The following GSK3B variants were observed in gnomAD, a reference collection of about 807,000 sequenced individuals.
The protein encoded by GSK3B is glycogen synthase kinase-3 beta.
Under a neutral mutation model 56.4 loss-of-function variants are expected in GSK3B, and 15 were observed. The ratio of observed to expected loss-of-function variants is 0.27; its 90% CI spans 0.18 to 0.41. GSK3B has a LOEUF of 0.41. Ranked by LOEUF, GSK3B falls within the 10% of genes least tolerant of loss-of-function variation. The pLI is 1.00. For missense variants in GSK3B, 300 were observed against 513.4 expected, an observed-to-expected ratio of 0.58 and a Z score of 4.02; for synonymous variants, 181 against 188.9, an observed-to-expected ratio of 0.96 and a Z score of 0.34.
intron 4 of GSK3B, among the ~76,000 whole-genome samples, chr3:119,919,726 C>G (rs192647655): frequency 1.3e-5 from 2 of 151,634 alleles, no homozygotes; most frequent in Non-Finnish European, 2.9e-5. Context: ...TTCACTATAG[C>G]AAAAACCAAA....
intron 1 of GSK3B, among the ~76,000 whole-genome samples, chr3:120,092,740 T>C (rs1363346793): frequency 6.6e-6 from 1 of 152,222 alleles, no homozygotes; most frequent in Non-Finnish European, 1.5e-5. Flanking sequence ...TGGCTCCCAC[T>C]AGTCCCTTCT....
intron 1 of GSK3B, among the ~76,000 whole-genome samples, chr3:120,024,123 G>A (rs2057903246): frequency 2.0e-5 from 3 of 151,800 alleles, no homozygotes; most frequent in Non-Finnish European, 2.9e-5. Flanking sequence ...TTGAGCCCAG[G>A]AGTTCAAGAC....
At chr3:119,847,301 AAAGAAT>A (rs1559806175) in intron 9 of GSK3B, among the ~76,000 whole-genome samples, 1 of 151,256 alleles carries the variant, frequency 6.6e-6, no homozygotes, top group African/African-American at 2.4e-5. Flanking sequence ...AATCATAAAA[AAAGAAT>A]AAGTTTAAAA....
chr3:120,072,123 A>G (rs745430500), intron 1 of GSK3B, among the ~76,000 whole-genome samples: 26 of 152,216 alleles, frequency 1.7e-4, no homozygotes, highest in Admixed American at 5.2e-4. Context: ...CAATTATACT[A>G]TATCTAAATT....
intron 8 of GSK3B, among the ~76,000 whole-genome samples, chr3:119,865,151 G>T (rs143282654): frequency 6.6e-6 from 1 of 151,800 alleles, no homozygotes; most frequent in African/African-American, 2.4e-5. Context: ...GAAAATTTTC[G>T]TAAAAATATT....
At chr3:119,832,254 C>A (rs1450971695) in intron 10 of GSK3B, among the ~76,000 whole-genome samples, 1 of 152,200 alleles carries the variant, frequency 6.6e-6, no homozygotes, top group Non-Finnish European at 1.5e-5. Context: ...ATACAGGCAG[C>A]ACATATTTGA....
chr3:120,090,735 T>C (rs896076725), intron 1 of GSK3B, among the ~76,000 whole-genome samples: 3 of 152,180 alleles, frequency 2.0e-5, no homozygotes, highest in Non-Finnish European at 4.4e-5. Flanking sequence ...AATTCACTAA[T>C]TCAACTGCAA....
intron 10 of GSK3B, among the ~76,000 whole-genome samples, chr3:119,837,083 T>C (rs1465571835): frequency 6.6e-6 from 1 of 152,214 alleles, no homozygotes. Context: ...GATGGTTCTG[T>C]TATAATTTCA....
At chr3:119,844,929 C>T (rs983402746) in intron 9 of GSK3B, among the ~76,000 whole-genome samples, 2 of 152,042 alleles carry the variant, frequency 1.3e-5, no homozygotes, top group East Asian at 1.9e-4. Context: ...ACTGGCAAAC[C>T]GAATCTAGCA....
In GSK3B at chr3:120,012,312, C is replaced by A. The variant is rs577055458; in HGVS notation, c.89-10073G>T. Reference sequence around the variant, plus strand: ...CCTCAAGAAAAACTAGAAACTGTAACAAATCTGCTTAAACAAAAAATAACC... The same window carrying A: ...CCTCAAGAAAAACTAGAAACTGTAAAAAATCTGCTTAAACAAAAAATAACC... On this transcript the variant is annotated intron_variant, in intron 1 of 10. Coordinates refer to ENST00000264235, the MANE Select transcript of GSK3B (RefSeq NM_001146156.2). Among the ~76,000 whole-genome samples the A allele has an allele frequency of 2.0e-5, 3 of 152,284 alleles. No individual in the cohort carries two copies. The South Asian group carries it at 6.2e-4, about 32-fold the overall frequency.
At chr3:119,971,940 G>C (rs554063735) in intron 2 of GSK3B, among the ~76,000 whole-genome samples, 232 of 152,228 alleles carry the variant, frequency 1.5e-3, no homozygotes, top group Middle Eastern at 3.4e-3. Flanking sequence ...GGCAATTAAA[G>C]TTCCCTAATT....
intron 2 of GSK3B, among the ~76,000 whole-genome samples, chr3:119,984,397 A>C (rs75843409): frequency 0.46 from 65,334 of 143,530 alleles, 15,354 homozygotes; most frequent in African/African-American, 0.67. Flanking sequence ...AAAAACCTTA[A>C]AAAAAAAAAA....
At chr3:119,995,827 T>C (rs2107473483) in intron 2 of GSK3B, among the ~76,000 whole-genome samples, 1 of 151,062 alleles carries the variant, frequency 6.6e-6, no homozygotes, top group East Asian at 2.0e-4. Context: ...AACCTCTGCC[T>C]CCCAGGTTCA....
chr3:119,905,269 A>C (rs2056671140), intron 7 of GSK3B, among the ~76,000 whole-genome samples: 2 of 151,848 alleles, frequency 1.3e-5, no homozygotes, highest in Admixed American at 1.3e-4. Flanking sequence ...CATAAGTCAA[A>C]ATTTTGTTTC....
chr3:119,844,475 C>T (rs2055827742), intron 9 of GSK3B, among the ~76,000 whole-genome samples: 1 of 151,850 alleles, frequency 6.6e-6, no homozygotes. Context: ...CAAATAGACA[C>T]AATAAAAAAT....
intron 1 of GSK3B, 55 bp downstream of exon 1, chr3:120,093,292 T>C (rs542249719): frequency 3.8e-5 from 44 of 1,144,074 alleles, no homozygotes; most frequent in Non-Finnish European, 5.5e-5. Flanking sequence ...TATTTCGAGG[T>C]TTCTTATTTT....
intron 1 of GSK3B, among the ~76,000 whole-genome samples, chr3:120,087,692 G>C (rs956701510): frequency 1.3e-5 from 2 of 152,132 alleles, no homozygotes; most frequent in Non-Finnish European, 2.9e-5. Flanking sequence ...GACAAAACTA[G>C]TTTCAAGACA....
chr3:120,055,591 G>T (rs899852635), intron 1 of GSK3B, among the ~76,000 whole-genome samples: 2 of 152,184 alleles, frequency 1.3e-5, no homozygotes, highest in Non-Finnish European at 1.5e-5. Context: ...GAGTTAGAGT[G>T]AGGAGGGGAG....
chr3:119,865,984 T>C (rs1233593365), intron 8 of GSK3B, among the ~76,000 whole-genome samples: 2 of 152,178 alleles, frequency 1.3e-5, no homozygotes, highest in Non-Finnish European at 2.9e-5. Context: ...CTATACACTG[T>C]CATTTTAAAC....
Sources: allele counts gnomAD v4.1 joint callset (sites outside exome capture counted in the v4.1 genomes callset), GRCh38; gene constraint gnomAD v4.1.1; transcripts MANE v1.5; gene names NCBI Gene and HGNC (gene_info 2026-07-23, HGNC 2026-07-21).